The following TAMALIN variants were observed in gnomAD, a reference collection of about 807,000 sequenced individuals.
TAMALIN encodes the protein protein TAMALIN.
TAMALIN carries 9 observed loss-of-function variants against 38.5 expected under a neutral mutation model. That is an observed-to-expected ratio of 0.23 (90% CI 0.14 to 0.41). The LOEUF is 0.41. TAMALIN is among the 10% of genes least tolerant of loss of function. TAMALIN has a pLI of 1.00. For missense variants in TAMALIN, 548 were observed against 554.1 expected, an observed-to-expected ratio of 0.99 and a Z score of 0.11; for synonymous variants, 306 against 256.5, an observed-to-expected ratio of 1.19 and a Z score of -1.85.
In TAMALIN at chr12:52,009,222, G is replaced by C; in HGVS notation, c.279G>C (p.Gln93His). 1 of 1,614,064 alleles carries C rather than the reference G, an allele frequency of 6.2e-7. No individual in the cohort carries two copies. The highest frequency in any genetic ancestry group is 8.5e-7 in the Non-Finnish European group (1 of 1,180,006). Reference protein sequence around the residue: ...GSGFRWKNLSQSPEQQRKVLT... With the variant: ...GSGFRWKNLSHSPEQQRKVLT... ...GATTCCGCTGGAAGAATCTCAGCCA[G>C]AGTCCTGAACAGCAGCGGTGAGTCA... is the stretch of plus-strand genomic sequence containing the variant. The change falls in exon 2 of 8, where the codon CAG (glutamine) becomes CAC (histidine). Residue 93 changes from glutamine (Q) to histidine (H), a missense_variant. By Grantham distance (24) the Gln-to-His change is conservative. Coordinates refer to ENST00000293662, the MANE Select transcript of TAMALIN (RefSeq NM_181711.4).
At chr12:52,008,647 T>A (rs1384563779) in intron 1 of TAMALIN, 1 of 985,316 alleles carries the variant, frequency 1.0e-6, no homozygotes, top group Non-Finnish European at 1.2e-6. Context: ...TGGCTGGGAT[T>A]GCCAGCCCTT....
Position 52,015,043 on chromosome 12 carries a change from C to A in TAMALIN, c.1032C>A (p.Gly344=). 1 of 1,349,164 alleles carries A rather than the reference C, an allele frequency of 7.4e-7. No individual in the cohort carries two copies. The highest frequency in any genetic ancestry group is 9.5e-7 in the Non-Finnish European group (1 of 1,056,982). The allele number at this position is 1,349,164 out of a possible 1,614,324, so 83.6% of individuals were successfully genotyped here. ...GCGCGGGCCCTGGCGGGGGCGGAGG[C>A]GGGGGCGCGCCGGGCGCGCTCTGGA... ...VRCAGPGGGG[G]GGAPGALWTE... Residue 344 remains glycine, a synonymous_variant, in exon 8 of 8, where the codon GGC becomes GGA. Transcript: ENST00000293662.
rs1290653411 is a variant in TAMALIN at position 52,011,705 on chromosome 12, C to A, written c.454+564C>A. Among the ~76,000 whole-genome samples the A allele has an allele frequency of 6.6e-6, 1 of 152,164 alleles. No homozygotes were observed. Among genetic ancestry groups the A allele is most frequent in the Middle Eastern group, 3.4e-3 (1 of 294 alleles). On this transcript the variant is annotated intron_variant, in intron 4 of 7. Transcript: ENST00000293662. The surrounding 1 kb of genome is among the most constrained non-coding windows in gnomAD (Gnocchi z 5.3). ...ATAACCTTGAACTCCTGGGCTCAAG[C>A]GATCCTCCTCTTGCCTCTGCCTCCC...
chr12:52,014,165 A>G lies in TAMALIN; in HGVS notation c.646A>G (p.Arg216Gly). Reference sequence around the variant, plus strand: ...CCTGTATGAGAAGTGGGGAGAGTACAGGTCCCTAATGGTGCAGGAGCAGCG... The same window carrying G: ...CCTGTATGAGAAGTGGGGAGAGTACGGGTCCCTAATGGTGCAGGAGCAGCG... ...QTLYEKWGEY[R>G]SLMVQEQRLV... is the part of the protein sequence containing the mutation. Residue 216 changes from arginine to glycine, a missense_variant, in exon 7 of 8, where the codon AGG (arginine) becomes GGG (glycine). Around this residue, in one of 3 missense-constraint regions of TAMALIN, gnomAD observed 415 missense variants for 417.0 expected, o/e 1.00. Coordinates refer to ENST00000293662, the MANE Select transcript of TAMALIN (RefSeq NM_181711.4). The G allele has an allele frequency of 6.2e-7, 1 of 1,604,580 alleles. No homozygotes were observed. Among genetic ancestry groups the G allele is most frequent in the South Asian group, 1.1e-5 (1 of 89,284 alleles).
chr12:52,008,039 G>A (rs551402134), intron 1 of TAMALIN: 3 of 985,342 alleles, frequency 3.0e-6, no homozygotes, highest in East Asian at 1.1e-4. Context: ...GCCCTCCTTC[G>A]CCCCGGCCCC....
intron 4 of TAMALIN, chr12:52,013,366 C>G: frequency 1.4e-5 from 4 of 281,900 alleles, no homozygotes; most frequent in South Asian, 5.2e-5. Context: ...CGTGAGCCAC[C>G]GCGCCCGGCC....
chr12:52,012,239 A>C (rs1743312981), intron 4 of TAMALIN, among the ~76,000 whole-genome samples: 1 of 152,234 alleles, frequency 6.6e-6, no homozygotes, highest in Non-Finnish European at 1.5e-5. Flanking sequence ...TTCACTGGGC[A>C]GATCCTTCAT....
Position 52,014,782 on chromosome 12 carries a change from G to A in TAMALIN, c.771G>A (p.Leu257=). The A allele has an allele frequency of 6.9e-7, 1 of 1,449,524 alleles. No individual in the cohort carries two copies. The highest frequency in any genetic ancestry group is 9.0e-7 in the Non-Finnish European group (1 of 1,109,290). 89.8% of individuals were successfully genotyped at this position (1,449,524 alleles called of 1,614,324 possible). A position where few individuals can be genotyped will look rare whatever the true frequency, so the allele number is the denominator to read the frequency against. ...LYGAGLLPGS[L]PFGPLLAVPG... ...GCGCGGGCCTGCTCCCGGGCTCGCT[G>A]CCCTTCGGGCCTCTGCTCGCCGTGC... Residue 257 remains leucine (L), a synonymous_variant, in exon 8 of 8, where the codon CTG becomes CTA. Transcript: ENST00000293662.
intron 2 of TAMALIN, chr12:52,010,562 A>G: frequency 8.6e-7 from 1 of 1,165,154 alleles, no homozygotes; most frequent in Non-Finnish European, 1.1e-6. Context: ...TTAGCTAGTC[A>G]GTAAGTGGTA....
rs1042267409 is a variant in TAMALIN at position 52,015,507 on chromosome 12, ACCCT to A, written c.*312_*315del. The A allele has an allele frequency of 4.0e-5, 11 of 272,606 alleles. No homozygotes were observed. Among genetic ancestry groups the A allele is most frequent in the African/African-American group, 2.3e-4 (10 of 43,918 alleles). 16.9% of individuals were successfully genotyped at this position (272,606 alleles called of 1,614,324 possible). A position where few individuals can be genotyped will look rare whatever the true frequency, so the allele number is the denominator to read the frequency against. ...AGTGCCTTGTGGGGTATCCAGGAAC[ACCCT>A]CCCAGCAGGGGATGGGAACCCTGTC... On this transcript the variant is annotated 3_prime_UTR_variant, in exon 8 of 8. Coordinates refer to ENST00000293662, the MANE Select transcript of TAMALIN (RefSeq NM_181711.4).
Position 52,014,927 on chromosome 12 carries a change from C to A in TAMALIN, c.916C>A (p.Arg306Ser). 6 of 1,046,614 alleles carry A rather than the reference C, an allele frequency of 5.7e-6. No homozygotes were observed. The highest frequency in any genetic ancestry group is 5.7e-6 in the Non-Finnish European group (5 of 869,880). The allele number at this position is 1,046,614 out of a possible 1,614,324, so 64.8% of individuals were successfully genotyped here. A position where few individuals can be genotyped will look rare whatever the true frequency, so the allele number is the denominator to read the frequency against. The change falls in exon 8 of 8, where the codon CGC becomes AGC. Residue 306 changes from arginine (R) to serine (S), a missense_variant. Physicochemically the swap from Arg to Ser is moderately radical, Grantham distance 110. Transcript: ENST00000293662. The part of the protein sequence containing the change: ...PALPPPPPPA[R>S]AFGPGPAETP... ...GCTGCCGCCCCCGCCGCCCCCGGCC[C>A]GCGCCTTCGGCCCGGGCCCCGCCGA...
intron 7 of TAMALIN, 131 bp from the exon 8 acceptor site, chr12:52,014,563 G>A (rs944404859): frequency 2.9e-6 from 2 of 696,328 alleles, no homozygotes; most frequent in Admixed American, 3.0e-5. Context: ...TCTCAGGTTT[G>A]TGCCTGGCCA....
chr12:52,009,175 C>T lies in TAMALIN; in HGVS notation c.247-15C>T. The T allele has an allele frequency of 6.2e-7, 1 of 1,613,814 alleles. No homozygotes were observed. Among genetic ancestry groups the T allele is most frequent in the Non-Finnish European group, 8.5e-7 (1 of 1,179,746 alleles). On this transcript the variant is annotated splice_polypyrimidine_tract_variant and intron_variant, in intron 1 of 7. Coordinates refer to ENST00000293662, the MANE Select transcript of TAMALIN (RefSeq NM_181711.4). Reference sequence around the variant, plus strand: ...TCCCGCCTTACCTGCTCCTTCTGACCATCTTACTGCCCAGGGCTCAGGATT... The same window carrying T: ...TCCCGCCTTACCTGCTCCTTCTGACTATCTTACTGCCCAGGGCTCAGGATT...
rs557550607 is a variant in TAMALIN at position 52,008,237 on chromosome 12, G to T, written c.247-953G>T. 1.7e-5 allele frequency: 17 copies of T among 985,360 alleles called. No individual in the cohort carries two copies. The South Asian group carries it at 7.0e-4, about 41-fold the overall frequency. The allele number at this position is 985,360 out of a possible 1,614,324, so 61.0% of individuals were successfully genotyped here. A position where few individuals can be genotyped will look rare whatever the true frequency, so the allele number is the denominator to read the frequency against. On this transcript the variant is annotated intron_variant, in intron 1 of 7. Transcript: ENST00000293662. Reference sequence around the variant, plus strand: ...TTGCCTTGGGCAGCTTTGGGGGAGGGTTAGCAAAGGCACAGAACAGAAAGG... The same window carrying T: ...TTGCCTTGGGCAGCTTTGGGGGAGGTTTAGCAAAGGCACAGAACAGAAAGG...
Position 52,011,073 on chromosome 12 carries a change from T to A in TAMALIN, c.386T>A (p.Val129Glu). 1 of 1,612,894 alleles carries A rather than the reference T, an allele frequency of 6.2e-7. No homozygotes were observed. Among genetic ancestry groups the A allele is most frequent in the Non-Finnish European group, 8.5e-7 (1 of 1,179,866 alleles). Reference sequence around the variant, plus strand: ...CTTCACCACCGGGAGGAGCAGCGTGTGGAAATGGTGACCTTTGTCTGCCGA... The same window carrying A: ...CTTCACCACCGGGAGGAGCAGCGTGAGGAAATGGTGACCTTTGTCTGCCGA... The part of the protein sequence containing the change: ...YGLHHREEQR[V>E]EMVTFVCRVH... The change falls in exon 4 of 8, where the codon GTG (valine) becomes GAG (glutamate). Residue 129 changes from valine to glutamate, a missense_variant. Physicochemically the swap from Val to Glu is moderately radical, Grantham distance 121. Coordinates refer to ENST00000293662, the MANE Select transcript of TAMALIN (RefSeq NM_181711.4). This position sits in a 1 kb window ranked among gnomAD's most constrained non-coding sequence, Gnocchi z 5.3.
chr12:52,008,442 T>A, intron 1 of TAMALIN: 1 of 979,354 alleles, frequency 1.0e-6, no homozygotes, highest in Non-Finnish European at 1.2e-6. Context: ...GAACTCCCAG[T>A]CTCGGTCCTT....
intron 1 of TAMALIN, chr12:52,008,386 C>T: frequency 1.0e-6 from 1 of 985,316 alleles, no homozygotes; most frequent in Non-Finnish European, 1.2e-6. Context: ...AGACAGGAAC[C>T]TTCATCTCTC....
At position 52,014,895 on chromosome 12, in the gene TAMALIN, C is replaced by T. The variant is rs912817276; in HGVS notation, c.884C>T (p.Pro295Leu). The change falls in exon 8 of 8, where the codon CCG (proline) becomes CTG (leucine). Residue 295 changes from proline to leucine, a missense_variant. Pro to Leu is a moderately conservative substitution (Grantham distance 98). Around this residue, in one of 3 missense-constraint regions of TAMALIN, gnomAD observed 415 missense variants for 417.0 expected, o/e 1.00. Coordinates refer to ENST00000293662, the MANE Select transcript of TAMALIN (RefSeq NM_181711.4). ...YHTCFFGDSE[P>L]PALPPPPPPA... ...ACGTGCTTCTTCGGGGACTCCGAGC[C>T]GCCGGCGCTGCCGCCCCCGCCGCCC... 5 of 1,211,794 alleles carry T rather than the reference C, an allele frequency of 4.1e-6. No homozygotes were observed. The highest frequency in any genetic ancestry group is 5.2e-6 in the Non-Finnish European group (5 of 965,282). 75.1% of individuals were successfully genotyped at this position (1,211,794 alleles called of 1,614,324 possible).
intron 1 of TAMALIN, chr12:52,008,868 G>A: frequency 1.9e-6 from 1 of 534,512 alleles, no homozygotes; most frequent in Non-Finnish European, 2.4e-6. Flanking sequence ...CCCTAGGGGT[G>A]GAGACCATTT....
Sources: gnomAD v4.1 joint callset for allele counts (sites outside exome capture counted in the v4.1 genomes callset) on GRCh38, gnomAD v4.1.1 for gene constraint, gnomAD v4.1.1 regional missense constraint, Gnocchi (gnomAD v3.1) non-coding constraint, MANE v1.5 for transcripts, NCBI Gene and HGNC (gene_info 2026-07-23, HGNC 2026-07-21) for gene names.